GAS7: variants seen among roughly 807,000 people sequenced by gnomAD.
The protein encoded by GAS7 is growth arrest-specific protein 7.
In GAS7, 28 loss-of-function variants were observed where a neutral mutation model predicts 71.1. That is an observed-to-expected ratio of 0.39 (90% CI 0.29 to 0.54). GAS7 has a LOEUF of 0.54. Among genes scored for constraint, GAS7 ranks in the 20% least tolerant of loss-of-function variants. The probability of loss-of-function intolerance (pLI) is 0.62; values close to 1 mark genes in which losing one functional copy is unlikely to be tolerated. For synonymous variants in GAS7, 258 were observed against 245.8 expected (o/e 1.05, Z -0.46); for missense variants, 436 against 627.8 (o/e 0.69, Z 3.27).
chr17:10,046,152 A>C lies in GAS7; in HGVS notation c.184-26255T>G, dbSNP rs2072951639. On this transcript the variant is annotated intron_variant, in intron 1 of 13. Transcript: ENST00000432992. The stretch of plus-strand genomic sequence containing the variant: ...GGAGATTCTTTTTTTTAATCCAGAA[A>C]ACTGAACTTGAATTCTCTACTGACT... Among the ~76,000 whole-genome samples, 4 of 152,152 alleles carry C rather than the reference A, an allele frequency of 2.6e-5. No individual in the cohort carries two copies. The South Asian group carries it at 8.3e-4, about 32-fold the overall frequency.
At chr17:10,019,960 G>A (rs1369235962) in intron 1 of GAS7, 63 bp from the exon 2 acceptor site, 1 of 1,523,870 alleles carries the variant, frequency 6.6e-7, no homozygotes, top group East Asian at 2.3e-5. Flanking sequence ...TTTAAACCAG[G>A]AAGGCAAAGG....
intron 1 of GAS7, among the ~76,000 whole-genome samples, chr17:10,124,676 G>T (rs570951916): frequency 3.9e-5 from 6 of 152,200 alleles, no homozygotes; most frequent in South Asian, 4.1e-4. Context: ...AGCAGTTTGG[G>T]GGGGAGCTGA....
At chr17:10,171,790 G>A (rs2074336952) in intron 1 of GAS7, among the ~76,000 whole-genome samples, 2 of 150,744 alleles carry the variant, frequency 1.3e-5, no homozygotes, top group Admixed American at 1.3e-4. Context: ...CTTTATCTGA[G>A]AAATGGAATC....
chr17:10,096,909 G>A (rs996714856), intron 1 of GAS7, among the ~76,000 whole-genome samples: 1 of 152,252 alleles, frequency 6.6e-6, no homozygotes, highest in Non-Finnish European at 1.5e-5. Flanking sequence ...GCAATAGAAA[G>A]GGTCCCATCC....
chr17:9,944,849 G>A (rs578213399), intron 6 of GAS7, among the ~76,000 whole-genome samples: 1 of 152,234 alleles, frequency 6.6e-6, no homozygotes, highest in East Asian at 1.9e-4. Context: ...CTCCCTTCTA[G>A]GATGGATATG....
intron 2 of GAS7, among the ~76,000 whole-genome samples, chr17:10,011,689 T>C (rs966374255): frequency 2.6e-5 from 4 of 152,090 alleles, no homozygotes; most frequent in Non-Finnish European, 5.9e-5. Context: ...TAAGATACCA[T>C]CTCAAGGCCG....
chr17:10,132,536 T>C (rs1449332654), intron 1 of GAS7, among the ~76,000 whole-genome samples: 1 of 152,052 alleles, frequency 6.6e-6, no homozygotes, highest in East Asian at 1.9e-4. Context: ...GAGGCCGAGG[T>C]GGGTGGATCA....
chr17:9,917,945 G>T, intron 13 of GAS7, 56 bp downstream of exon 13: 1 of 1,268,194 alleles, frequency 7.9e-7, no homozygotes, highest in Non-Finnish European at 1.1e-6. Context: ...CCTAGCGCCA[G>T]GCGGCTCTCC....
At chr17:9,940,429 G>A (rs180689692) in intron 7 of GAS7, among the ~76,000 whole-genome samples, 1 of 152,324 alleles carries the variant, frequency 6.6e-6, no homozygotes, top group African/African-American at 2.4e-5. Flanking sequence ...CTGCAAAGTA[G>A]GACATTTTCT....
In GAS7 at chr17:10,103,308, T is replaced by C. The variant is rs983556004; in HGVS notation, c.184-83411A>G. On this transcript the variant is annotated intron_variant, in intron 1 of 13. Coordinates refer to ENST00000432992, the MANE Select transcript of GAS7 (RefSeq NM_201433.2). This position sits in a 1 kb window ranked among gnomAD's most constrained non-coding sequence, Gnocchi z 5.5. ...GCAGTGAGAGCTGTGACTGTAACAC[T>C]GTACTCCATCCAGTCTGGGTGATAG... Among the ~76,000 whole-genome samples, 2 of 152,022 alleles carry C rather than the reference T, an allele frequency of 1.3e-5. No homozygotes were observed. The highest frequency in any genetic ancestry group is 2.4e-5 in the African/African-American group (1 of 41,414).
chr17:10,101,473 T>C (rs2073698185), intron 1 of GAS7, among the ~76,000 whole-genome samples: 1 of 152,160 alleles, frequency 6.6e-6, no homozygotes, highest in Non-Finnish European at 1.5e-5. Context: ...CCGCCCACAC[T>C]CAAGGGGAAG....
At chr17:10,078,376 G>A (rs571968390) in intron 1 of GAS7, among the ~76,000 whole-genome samples, 2 of 152,304 alleles carry the variant, frequency 1.3e-5, no homozygotes, top group East Asian at 3.9e-4. Context: ...ACAGGCATGA[G>A]TCACCGCACC....
rs1033404665 is a variant in GAS7, at chr17:9,981,685, C to T, written c.385+119G>A. The T allele has an allele frequency of 1.2e-4, 85 of 686,622 alleles. 1 individual carries two copies. The highest frequency in any genetic ancestry group is 1.1e-4 in the Non-Finnish European group (43 of 379,864). The allele number at this position is 686,622 out of a possible 1,614,324, so 42.5% of individuals were successfully genotyped here. A position where few individuals can be genotyped will look rare whatever the true frequency, so the allele number is the denominator to read the frequency against. ...TAAGGGACCCTCTCCCAGGCCCAACCCCTCCCTGGGTTTGCTACATCAGCC... is the reference window on the plus strand; with the variant it reads ...TAAGGGACCCTCTCCCAGGCCCAACTCCTCCCTGGGTTTGCTACATCAGCC... On this transcript the variant is annotated intron_variant, in intron 3 of 13. Transcript: ENST00000432992. The surrounding 1 kb of genome is among the most constrained non-coding windows in gnomAD (Gnocchi z 4.4).
intron 1 of GAS7, among the ~76,000 whole-genome samples, chr17:10,067,389 C>T (rs1042861698): frequency 6.6e-6 from 1 of 152,188 alleles, no homozygotes; most frequent in Admixed American, 6.5e-5. Context: ...GGACTATAGG[C>T]GCATGCCACC....
intron 1 of GAS7, among the ~76,000 whole-genome samples, chr17:10,110,891 G>A (rs1567596017): frequency 6.6e-6 from 1 of 152,186 alleles, no homozygotes; most frequent in Non-Finnish European, 1.5e-5. Flanking sequence ...AATGACTGAC[G>A]CTAAGGTTAT....
chr17:10,010,888 A>G (rs2071743881), intron 2 of GAS7, among the ~76,000 whole-genome samples: 1 of 152,198 alleles, frequency 6.6e-6, no homozygotes, highest in South Asian at 2.1e-4. Flanking sequence ...TCAGCTCTAC[A>G]ATCTCCGTGC....
At chr17:10,067,281 G>C (rs1462999573) in intron 1 of GAS7, among the ~76,000 whole-genome samples, 1 of 152,036 alleles carries the variant, frequency 6.6e-6, no homozygotes, top group Non-Finnish European at 1.5e-5. Flanking sequence ...GTCTCGCTCT[G>C]TTGCCCAGGC....
At chr17:9,945,155 T>C (rs931532431) in intron 6 of GAS7, among the ~76,000 whole-genome samples, 5 of 152,034 alleles carry the variant, frequency 3.3e-5, no homozygotes, top group African/African-American at 7.2e-5. Context: ...CTCAAACCAC[T>C]CTCTCCTTGA....
At chr17:9,952,134 A>G (rs1483024186) in intron 5 of GAS7, among the ~76,000 whole-genome samples, 1 of 152,188 alleles carries the variant, frequency 6.6e-6, no homozygotes, top group Non-Finnish European at 1.5e-5. Flanking sequence ...AGAGTCACCT[A>G]GAGGACATGG....
Sources: allele counts gnomAD v4.1 joint callset (sites outside exome capture counted in the v4.1 genomes callset), GRCh38; gene constraint gnomAD v4.1.1; non-coding constraint Gnocchi (gnomAD v3.1); transcripts MANE v1.5; gene names NCBI Gene and HGNC (gene_info 2026-07-23, HGNC 2026-07-21).